FRMD6: variants seen among roughly 807,000 people sequenced by gnomAD.
The protein encoded by FRMD6 is FERM domain-containing protein 6.
Under a neutral mutation model 73.2 loss-of-function variants are expected in FRMD6, and 37 were observed. The ratio of observed to expected loss-of-function variants is 0.51; its 90% CI spans 0.39 to 0.66. The LOEUF (loss-of-function observed/expected upper bound fraction) is 0.66, where lower values mean the gene tolerates loss of function less well. Ranked by LOEUF, FRMD6 falls within the 30% of genes least tolerant of loss-of-function variation. The pLI is 0.00. For synonymous variants in FRMD6, 273 were observed against 282.2 expected, an observed-to-expected ratio of 0.97 and a Z score of 0.33; for missense variants, 714 against 780.5, an observed-to-expected ratio of 0.91 and a Z score of 1.02.
chr14:51,620,004 C>T lies in FRMD6; in HGVS notation c.-147+49594C>T, dbSNP rs148462600. Among the ~76,000 whole-genome samples the T allele has an allele frequency of 9.8e-3, 1,497 of 152,174 alleles. 72 individuals are homozygous for T. The highest frequency in any genetic ancestry group is 0.081 in the Admixed American group (1,239 of 15,278). Reference sequence around the variant, plus strand: ...ACTTTCAGAGGTGACCAGCAAATAGCGGTGAGATAGGACAAGTTAATTCAC... The same window carrying T: ...ACTTTCAGAGGTGACCAGCAAATAGTGGTGAGATAGGACAAGTTAATTCAC... On this transcript the variant is annotated intron_variant, in intron 2 of 14. Coordinates refer to the FRMD6 transcript ENST00000356218.
chr14:51,680,246 C>G (rs1894706330), intron 1 of FRMD6, among the ~76,000 whole-genome samples: 1 of 152,172 alleles, frequency 6.6e-6, no homozygotes, highest in Admixed American at 6.6e-5. Flanking sequence ...TCCACTAGGG[C>G]CCTTATCTGT....
At chr14:51,487,135 G>A (rs1882780303), upstream of FRMD6, among the ~76,000 whole-genome samples, 1 of 152,090 alleles carries the variant, frequency 6.6e-6, no homozygotes, top group African/African-American at 2.4e-5. Context: ...TTGAAGACCT[G>A]CTGCTCTAGC....
intron 2 of FRMD6, among the ~76,000 whole-genome samples, chr14:51,590,262 T>G (rs1889317629): frequency 6.6e-6 from 1 of 152,152 alleles, no homozygotes; most frequent in Admixed American, 6.5e-5. Flanking sequence ...ATGGTGAGAT[T>G]TTTCCAGATG....
chr14:51,544,709 G>T (rs114876460), intron 1 of FRMD6, among the ~76,000 whole-genome samples: 328 of 151,690 alleles, frequency 2.2e-3, no homozygotes, highest in African/African-American at 7.3e-3. Flanking sequence ...CTTTGTTGCG[G>T]CTTTTGGGCT....
intron 1 of FRMD6, among the ~76,000 whole-genome samples, chr14:51,689,490 G>A (rs1191177156): frequency 6.6e-6 from 1 of 152,124 alleles, no homozygotes; most frequent in Non-Finnish European, 1.5e-5. Context: ...ATTCCTGACT[G>A]TGGATGAAAG....
the FRMD6 span, among the ~76,000 whole-genome samples, chr14:51,408,486 G>T: frequency 6.6e-6 from 1 of 151,890 alleles, no homozygotes; most frequent in South Asian, 2.1e-4. Flanking sequence ...TCTATATGTT[G>T]TATTCTGGAT....
At position 51,680,460 on chromosome 14, in the gene FRMD6, C is replaced by T. The variant is rs542700202; in HGVS notation, c.-146-9231C>T. On this transcript the variant is annotated intron_variant, in intron 1 of 13. Coordinates refer to ENST00000344768, the MANE Select transcript of FRMD6 (RefSeq NM_001267046.2). ...TGTTTCTACGCTATTAATTTTGACT[C>T]TTGAAAGAGTATAAACTGTCTAAGG... Among the ~76,000 whole-genome samples, 4 of 152,290 alleles carry T rather than the reference C, an allele frequency of 2.6e-5. No individual in the cohort carries two copies. The South Asian group carries it at 8.3e-4, about 32-fold the overall frequency.
intron 2 of FRMD6, among the ~76,000 whole-genome samples, chr14:51,644,589 A>G (rs1055978396): frequency 2.0e-5 from 3 of 152,218 alleles, no homozygotes; most frequent in African/African-American, 7.2e-5. Context: ...AGATAGTAAA[A>G]TGTGCTATAA....
chr14:51,625,535 A>T (rs1308366273), intron 2 of FRMD6, among the ~76,000 whole-genome samples: 1 of 151,990 alleles, frequency 6.6e-6, no homozygotes, highest in East Asian at 1.9e-4. Context: ...GTACCTGGAT[A>T]ACTTTTCCCT....
chr14:51,416,555 G>T, the FRMD6 span, among the ~76,000 whole-genome samples: 14 of 152,186 alleles, frequency 9.2e-5, no homozygotes, highest in Non-Finnish European at 4.4e-5. Context: ...CATTTGCTGA[G>T]GAGTGCTTTA....
Position 51,686,687 on chromosome 14 carries a change from T to A in FRMD6, c.-146-3004T>A, listed in dbSNP as rs1414821661. ...CGAAGATAATAGATCCTAAGATCAT[T>A]GGACAGGAAAGGGTTGCCCTGTAGT... On this transcript the variant is annotated intron_variant, in intron 1 of 13. Transcript: ENST00000344768. Among the ~76,000 whole-genome samples the A allele has an allele frequency of 3.9e-5, 6 of 152,124 alleles. No homozygotes were observed. In the South Asian group the frequency reaches 1.0e-3, roughly 26 times the overall value.
the FRMD6 span, among the ~76,000 whole-genome samples, chr14:51,431,111 C>T: frequency 6.6e-6 from 1 of 152,062 alleles, no homozygotes; most frequent in Non-Finnish European, 1.5e-5. Context: ...TGTCAAAATG[C>T]CTTAATGGGC....
At chr14:51,620,573 G>A (rs991307040) in intron 2 of FRMD6, among the ~76,000 whole-genome samples, 1 of 152,064 alleles carries the variant, frequency 6.6e-6, no homozygotes, top group Admixed American at 6.6e-5. Context: ...GGCCCATTAC[G>A]ACAGTGCTTC....
Position 51,510,159 on chromosome 14 carries a change from T to C in FRMD6, c.-210+20739T>C, listed in dbSNP as rs539773964. On this transcript the variant is annotated intron_variant, in intron 1 of 14. Coordinates refer to the FRMD6 transcript ENST00000356218. ...GTGGCATGTGATGTGCACTAATATT[T>C]ATGGAGTGTCTCCTACAATGAGCCC... is the stretch of plus-strand genomic sequence containing the variant. Among the ~76,000 whole-genome samples the C allele has an allele frequency of 2.6e-5, 4 of 152,312 alleles. No homozygotes were observed. In the South Asian group the frequency reaches 8.3e-4, roughly 32 times the overall value.
chr14:51,407,162 T>A, the FRMD6 span, among the ~76,000 whole-genome samples: 102 of 152,228 alleles, frequency 6.7e-4, no homozygotes, highest in Non-Finnish European at 9.9e-4. Context: ...TTATTTTTTT[T>A]AAATGTTAAA....
chr14:51,413,069 C>T, the FRMD6 span, among the ~76,000 whole-genome samples: 14 of 149,746 alleles, frequency 9.3e-5, no homozygotes, highest in Non-Finnish European at 1.5e-4. Flanking sequence ...CAACTCACTG[C>T]AACCTCTGCC....
chr14:51,448,052 T>A, the FRMD6 span, among the ~76,000 whole-genome samples: 1 of 152,360 alleles, frequency 6.6e-6, no homozygotes, highest in Non-Finnish European at 1.5e-5. Context: ...TGGATACTTT[T>A]AAGATAATCT....
At chr14:51,472,644 A>T in the FRMD6 span, among the ~76,000 whole-genome samples, 4 of 152,128 alleles carry the variant, frequency 2.6e-5, no homozygotes, top group African/African-American at 9.7e-5. Flanking sequence ...AGACTTATTC[A>T]AGGAGAACCA....
chr14:51,701,217 A>T, intron 4 of FRMD6, 58 bp downstream of exon 4: 1 of 1,027,132 alleles, frequency 9.7e-7, no homozygotes, highest in Middle Eastern at 2.5e-4. Flanking sequence ...TGTTTATTTT[A>T]GCTGTTATAC....
Sources: allele counts gnomAD v4.1 joint callset (sites outside exome capture counted in the v4.1 genomes callset), GRCh38; gene constraint gnomAD v4.1.1; transcripts MANE v1.5; gene names NCBI Gene and HGNC (gene_info 2026-07-23, HGNC 2026-07-21).